Variants in EIF5B observed in about 807,000 individuals in gnomAD.
EIF5B encodes the protein eukaryotic translation initiation factor 5B.
Under a neutral mutation model 147.5 loss-of-function variants are expected in EIF5B, and 47 were observed. The observed-to-expected ratio is 0.32, with a 90% CI of 0.25 to 0.41. EIF5B has a LOEUF of 0.41. Among genes scored for constraint, EIF5B ranks in the 10% least tolerant of loss-of-function variants. The probability of loss-of-function intolerance (pLI) is 1.00; values close to 1 mark genes in which losing one functional copy is unlikely to be tolerated. For missense variants in EIF5B, 1,064 were observed against 1,413.2 expected (o/e 0.75, Z 3.96); for synonymous variants, 455 against 456.2 (o/e 1.00, Z 0.03).
At chr2:99,359,214 A>G (rs1215332961) in intron 1 of EIF5B, among the ~76,000 whole-genome samples, 12 of 151,260 alleles carry the variant, frequency 7.9e-5, no homozygotes, top group Non-Finnish European at 1.5e-4. Flanking sequence ...TACAAAAAAA[A>G]AAAAATGAAC....
At chr2:99,365,408 G>A (rs1473302341) in intron 6 of EIF5B, among the ~76,000 whole-genome samples, 3 of 152,188 alleles carry the variant, frequency 2.0e-5, no homozygotes, top group Admixed American at 6.5e-5. Context: ...AACATTAGAT[G>A]TGAAGAAACC....
chr2:99,379,380 C>G lies in EIF5B; in HGVS notation c.2013C>G (p.Thr671=). The G allele has an allele frequency of 1.9e-6, 3 of 1,613,462 alleles. No homozygotes were observed. Among genetic ancestry groups the G allele is most frequent in the African/African-American group, 1.3e-5 (1 of 74,978 alleles). ...AGGITQQIGA[T]NVPLEAINEQ... The stretch of plus-strand genomic sequence containing the variant: ...GTATCACACAACAAATTGGGGCCAC[C>G]AATGTTCCTCTTGAAGCTATTAATG... The change falls in exon 12 of 24, where the codon ACC becomes ACG. Residue 671 remains threonine, a synonymous_variant. Transcript: ENST00000289371.
At chr2:99,386,622 C>G (rs1674814625) in intron 14 of EIF5B, among the ~76,000 whole-genome samples, 1 of 149,978 alleles carries the variant, frequency 6.7e-6, no homozygotes, top group South Asian at 2.1e-4. Flanking sequence ...GTCCGCCTCC[C>G]AGGCTCAAGC....
chr2:99,372,893 TTTTTGTTTTTGC>T (rs1361452876), intron 9 of EIF5B, among the ~76,000 whole-genome samples: 1 of 152,174 alleles, frequency 6.6e-6, no homozygotes, highest in African/African-American at 2.4e-5. Context: ...TCTGAGGGTT[TTTTTGTTTTTGC>T]TTTTGTTTTT....
chr2:99,368,490 C>T lies in EIF5B; in HGVS notation c.1289-3C>T. On this transcript the variant is annotated splice_polypyrimidine_tract_variant and splice_region_variant and intron_variant, in intron 6 of 23. Coordinates refer to ENST00000289371, the MANE Select transcript of EIF5B (RefSeq NM_015904.4). ...CCTGAAGTTTTTCATTTTTATCCCT[C>T]AGGTGTTGAAGTGCCATCAAAAGAC... is the stretch of plus-strand genomic sequence containing the variant. 1.2e-6 allele frequency: 2 copies of T among 1,611,490 alleles called. No individual in the cohort carries two copies. The highest frequency in any genetic ancestry group is 1.7e-6 in the Non-Finnish European group (2 of 1,178,272).
At position 99,361,564 on chromosome 2, in the gene EIF5B, C is replaced by T; in HGVS notation, c.663C>T (p.Ala221=). Residue 221 remains alanine (A), a synonymous_variant, in exon 4 of 24, where the codon GCC becomes GCT. Coordinates refer to ENST00000289371, the MANE Select transcript of EIF5B (RefSeq NM_015904.4). ...NIESGNEDDD[A]SFKIKTVAQK... is the part of the protein sequence containing the mutation. ...AAAGTGGGAATGAAGATGATGACGC[C>T]TCCTTCAAAATTAAGACAGTGGCCC... is the stretch of plus-strand genomic sequence containing the variant. 1 of 1,612,410 alleles carries T rather than the reference C, an allele frequency of 6.2e-7. No individual in the cohort carries two copies. Among genetic ancestry groups the T allele is most frequent in the Non-Finnish European group, 8.5e-7 (1 of 1,179,652 alleles).
At chr2:99,399,079 C>G in intron 23 of EIF5B, 170 bp downstream of exon 23, 1 of 872,818 alleles carries the variant, frequency 1.1e-6, no homozygotes, top group Non-Finnish European at 1.7e-6. Context: ...GGAAGTTGCT[C>G]TATCAGGAAA....
At chr2:99,396,241 T>C (rs1668286721) in intron 21 of EIF5B, among the ~76,000 whole-genome samples, 1 of 152,212 alleles carries the variant, frequency 6.6e-6, no homozygotes, top group South Asian at 2.1e-4. Flanking sequence ...TTTTAAAGCA[T>C]TTTAAGCGTG....
chr2:99,381,969 TA>T (rs1283572463), intron 12 of EIF5B, among the ~76,000 whole-genome samples, 189 bp from the exon 13 acceptor site: 1 of 152,206 alleles, frequency 6.6e-6, no homozygotes, highest in East Asian at 1.9e-4. Context: ...ATTTTTTTGT[TA>T]AAATGCCTTT....
At chr2:99,338,370 CATG>C (rs1482951459) in intron 1 of EIF5B, 1 of 1,287,274 alleles carries the variant, frequency 7.8e-7, no homozygotes, top group African/African-American at 1.5e-5. Flanking sequence ...TTCTGTTACT[CATG>C]ATGGAAAGAG....
intron 1 of EIF5B, among the ~76,000 whole-genome samples, chr2:99,350,610 C>CT (rs776799908): frequency 6.6e-6 from 1 of 151,868 alleles, no homozygotes; most frequent in Admixed American, 6.6e-5. Flanking sequence ...GGATTATTTG[C>CT]TTTTTTGCTA....
chr2:99,390,963 G>T (rs1302625324), intron 17 of EIF5B, among the ~76,000 whole-genome samples: 1 of 152,114 alleles, frequency 6.6e-6, no homozygotes, highest in East Asian at 1.9e-4. Context: ...GCTAAATACG[G>T]TTGACTCTTG....
chr2:99,338,044 A>G (rs927697866), intron 1 of EIF5B, among the ~76,000 whole-genome samples: 6 of 152,318 alleles, frequency 3.9e-5, no homozygotes, highest in Middle Eastern at 3.4e-3. Flanking sequence ...GGTTTCAGGT[A>G]CGTTAGAGTT....
At chr2:99,375,180 G>T (rs1182414736) in intron 9 of EIF5B, among the ~76,000 whole-genome samples, 1 of 151,924 alleles carries the variant, frequency 6.6e-6, no homozygotes, top group African/African-American at 2.4e-5. Flanking sequence ...AGTCCTTTTG[G>T]TGTTTTATAT....
chr2:99,345,334 T>C (rs1013734443), intron 1 of EIF5B, among the ~76,000 whole-genome samples: 10 of 152,158 alleles, frequency 6.6e-5, no homozygotes, highest in Non-Finnish European at 1.3e-4. Context: ...GGCTCGTGCC[T>C]GTAATTGCAG....
At chr2:99,351,048 C>G (rs1230525547) in intron 1 of EIF5B, among the ~76,000 whole-genome samples, 1 of 152,124 alleles carries the variant, frequency 6.6e-6, no homozygotes, top group African/African-American at 2.4e-5. Context: ...ATAAAAGGGC[C>G]AGGCATGGTG....
chr2:99,349,752 A>G (rs1382928191), intron 1 of EIF5B, among the ~76,000 whole-genome samples: 1 of 152,264 alleles, frequency 6.6e-6, no homozygotes, highest in Non-Finnish European at 1.5e-5. Context: ...TGTAATGATC[A>G]GATCAGGATG....
Position 99,361,305 on chromosome 2 carries a change from C to T in EIF5B, c.404C>T (p.Ser135Phe). Residue 135 changes from serine (S) to phenylalanine (F), a missense_variant, in exon 4 of 24, where the codon TCT becomes TTT. Ser to Phe is a radical substitution (Grantham distance 155). Around this residue, in one of 4 missense-constraint regions of EIF5B, gnomAD observed 458 missense variants for 451.3 expected, o/e 1.01. Transcript: ENST00000289371. ...KTAKPKVEMY[S>F]GSDDDDDFNK... ...GCAAAACCGAAAGTGGAAATGTACT[C>T]TGGGAGTGATGATGATGATGATTTT... 6.2e-7 allele frequency: 1 copy of T among 1,610,484 alleles called. No homozygotes were observed. Among genetic ancestry groups the T allele is most frequent in the South Asian group, 1.1e-5 (1 of 89,566 alleles).
At chr2:99,353,005 C>CTTTTTTTTTTTTTTTTTTTTTTTTTTTTT (rs529053292) in intron 1 of EIF5B, among the ~76,000 whole-genome samples, 1 of 62,850 alleles carries the variant, frequency 1.6e-5, no homozygotes, top group Non-Finnish European at 2.7e-5. Context: ...TCTTCTTCTT[C>CTTTTTTTTTTTTTTTTTTTTTTTTTTTTT]TTTTTTTTTT....
Sources: gnomAD v4.1 joint callset for allele counts (sites outside exome capture counted in the v4.1 genomes callset) on GRCh38, gnomAD v4.1.1 for gene constraint, gnomAD v4.1.1 regional missense constraint, MANE v1.5 for transcripts, NCBI Gene and HGNC (gene_info 2026-07-23, HGNC 2026-07-21) for gene names.